ASH1L: variants seen among roughly 807,000 people sequenced by gnomAD.
ASH1L encodes the protein histone-lysine N-methyltransferase ASH1L.
ASH1L carries 23 observed loss-of-function variants against 269.0 expected under a neutral mutation model. The ratio of observed to expected loss-of-function variants is 0.09; its 90% confidence interval spans 0.06 to 0.12. ASH1L has a LOEUF of 0.12. ASH1L is among the 10% of genes least tolerant of loss of function. The pLI, the probability that ASH1L is intolerant of heterozygous loss-of-function variation, is 1.00. For synonymous variants in ASH1L, 1,187 were observed against 1,253.5 expected (o/e 0.95, Z 1.12); for missense variants, 2,912 against 3,567.8 (o/e 0.82, Z 4.68).
In ASH1L at chr1:155,480,561, A is replaced by G. The variant is rs1356112820; in HGVS notation, c.2309T>C (p.Val770Ala). The change falls in exon 3 of 28, where the codon GTA becomes GCA. Residue 770 changes from valine (V) to alanine (A), a missense_variant. Val to Ala is a moderately conservative substitution (Grantham distance 64). This residue lies in a region of ASH1L where 715 missense variants were observed against 721.0 expected (regional missense o/e 0.99). Coordinates refer to ENST00000392403, the MANE Select transcript of ASH1L (RefSeq NM_018489.3). ...FMKNIGPPSF[V>A]DHDFLKRRLP... is the part of the protein sequence containing the mutation. ...TCGGCGTTTAAGGAAGTCATGATCT[A>G]CAAATGAAGGGGGTCCAATGTTTTT... is the stretch of plus-strand genomic sequence containing the variant. 1.2e-6 allele frequency: 2 copies of G among 1,614,042 alleles called. No individual in the cohort carries two copies.
chr1:155,415,125 T>A (rs768396732), intron 6 of ASH1L, among the ~76,000 whole-genome samples: 1 of 152,052 alleles, frequency 6.6e-6, no homozygotes, highest in Non-Finnish European at 1.5e-5. Context: ...GGTTCACGCC[T>A]GTAATCCCAG....
In ASH1L at chr1:155,480,678, G is replaced by A; in HGVS notation, c.2192C>T (p.Pro731Leu). ...TGATCTTTCTAATTCTAGCCCTTTT[G>A]GAGACCGGCATGTGCTTCTTGCCAC... is the stretch of plus-strand genomic sequence containing the variant. Reference protein sequence around the residue: ...KVVARSTCRSPKGLELERSEL... With the variant: ...KVVARSTCRSLKGLELERSEL... The change falls in exon 3 of 28, where the codon CCA (proline) becomes CTA (leucine). Residue 731 changes from proline (P) to leucine (L), a missense_variant. By Grantham distance (98) the Pro-to-Leu change is moderately conservative. Coordinates refer to ENST00000392403, the MANE Select transcript of ASH1L (RefSeq NM_018489.3). 6.2e-7 allele frequency: 1 copy of A among 1,613,696 alleles called. No homozygotes were observed. Among genetic ancestry groups the A allele is most frequent in the Non-Finnish European group, 8.5e-7 (1 of 1,179,900 alleles).
intron 1 of ASH1L, among the ~76,000 whole-genome samples, chr1:155,532,395 T>C (rs1174307121): frequency 6.6e-6 from 1 of 152,174 alleles, no homozygotes; most frequent in Non-Finnish European, 1.5e-5. Context: ...TGTTAAAAAC[T>C]ACCTACAAAT....
At position 155,481,294 on chromosome 1, in the gene ASH1L, A is replaced by G. The variant is rs766624641; in HGVS notation, c.1576T>C (p.Tyr526His). 1 of 1,614,158 alleles carries G rather than the reference A, an allele frequency of 6.2e-7. No individual in the cohort carries two copies. Residue 526 changes from tyrosine to histidine, a missense_variant, in exon 3 of 28, where the codon TAT (tyrosine) becomes CAT (histidine). This residue lies in a region of ASH1L where 715 missense variants were observed against 721.0 expected (regional missense o/e 0.99). Transcript: ENST00000392403. ...TSKHEKQPPV[Y>H]CTSPDFKMGG... ...ATTTTAAAGTCCGGAGAAGTGCAAT[A>G]TACAGGAGGCTGCTTTTCATGCTTT...
At chr1:155,436,774 C>T (rs182054520) in intron 5 of ASH1L, among the ~76,000 whole-genome samples, 10 of 152,248 alleles carry the variant, frequency 6.6e-5, no homozygotes, top group African/African-American at 9.6e-5. Context: ...GAATTACAGG[C>T]GTGAGCCACC....
At chr1:155,435,572 T>A (rs537176765) in intron 5 of ASH1L, among the ~76,000 whole-genome samples, 14 of 151,474 alleles carry the variant, frequency 9.2e-5, no homozygotes, top group Non-Finnish European at 1.5e-4. Flanking sequence ...GTATTGCTCC[T>A]GAAATTAAAA....
chr1:155,356,231 C>T (rs1264527689), intron 15 of ASH1L, among the ~76,000 whole-genome samples: 1 of 152,084 alleles, frequency 6.6e-6, no homozygotes, highest in African/African-American at 2.4e-5. Flanking sequence ...GCCACTGCGC[C>T]CTGCCAAAGC....
chr1:155,490,090 T>C (rs1666656906), intron 2 of ASH1L, among the ~76,000 whole-genome samples: 1 of 151,480 alleles, frequency 6.6e-6, no homozygotes, highest in South Asian at 2.1e-4. Context: ...TGCCTCAGCC[T>C]CCCAAGTAGC....
At chr1:155,396,077 A>AT (rs1658317099) in intron 6 of ASH1L, 1 of 152,068 alleles carries the variant, frequency 6.6e-6, no homozygotes, top group East Asian at 1.9e-4. Flanking sequence ...TCTACTCACT[A>AT]TATTATTCTA....
At chr1:155,341,246 G>T (rs1262880426) in intron 25 of ASH1L, among the ~76,000 whole-genome samples, 5 of 150,580 alleles carry the variant, frequency 3.3e-5, no homozygotes, top group Non-Finnish European at 7.4e-5. Flanking sequence ...GCGTGATCTT[G>T]GCTCACTGCA....
At chr1:155,561,180 C>T (rs1387815118) in intron 1 of ASH1L, among the ~76,000 whole-genome samples, 5 of 151,986 alleles carry the variant, frequency 3.3e-5, no homozygotes, top group African/African-American at 9.7e-5. Flanking sequence ...TTCAGTATCA[C>T]AAAAAAACTG....
At chr1:155,515,233 C>G (rs1394401946) in intron 2 of ASH1L, among the ~76,000 whole-genome samples, 1 of 152,186 alleles carries the variant, frequency 6.6e-6, no homozygotes, top group Admixed American at 6.6e-5. Context: ...GTCACACAAT[C>G]AATGCTTCAA....
chr1:155,428,240 A>T (rs1317437436), intron 5 of ASH1L, among the ~76,000 whole-genome samples: 1 of 152,094 alleles, frequency 6.6e-6, no homozygotes, highest in Non-Finnish European at 1.5e-5. Context: ...GGAGTTCAAG[A>T]CCAGCCTGAC....
intron 2 of ASH1L, among the ~76,000 whole-genome samples, chr1:155,497,274 T>C (rs897968880): frequency 1.3e-5 from 2 of 152,240 alleles, no homozygotes; most frequent in African/African-American, 2.4e-5. Context: ...AGCAGGCTGC[T>C]TCACAGTTCA....
At position 155,480,008 on chromosome 1, in the gene ASH1L, T is replaced by C. The variant is rs189505111; in HGVS notation, c.2862A>G (p.Pro954=). Residue 954 remains proline, a synonymous_variant, in exon 3 of 28, where the codon CCA becomes CCG. Transcript: ENST00000392403. ...CAAGGTCACTCATACTACAGACACTTGGCCTATGACTGTCATCTAGGTCAT... is the reference window on the plus strand; with the variant it reads ...CAAGGTCACTCATACTACAGACACTCGGCCTATGACTGTCATCTAGGTCAT... ...DPDDLDDSHR[P]SVCSMSDLEM... is the part of the protein sequence containing the mutation. 6.2e-7 allele frequency: 1 copy of C among 1,614,060 alleles called. No homozygotes were observed. The highest frequency in any genetic ancestry group is 1.3e-5 in the African/African-American group (1 of 75,060).
intron 1 of ASH1L, among the ~76,000 whole-genome samples, chr1:155,557,076 T>A (rs757384279): frequency 4.0e-4 from 61 of 152,164 alleles, no homozygotes; most frequent in Non-Finnish European, 7.5e-4. Flanking sequence ...GTATACAACC[T>A]TGTCATCAAC....
intron 3 of ASH1L, among the ~76,000 whole-genome samples, chr1:155,466,820 T>C (rs1185674728): frequency 6.6e-6 from 1 of 152,224 alleles, no homozygotes; most frequent in Non-Finnish European, 1.5e-5. Context: ...AACTGTTGCA[T>C]AGGTGTGTCT....
intron 7 of ASH1L, among the ~76,000 whole-genome samples, chr1:155,388,048 C>T (rs1657586103): frequency 1.3e-5 from 2 of 152,014 alleles, no homozygotes; most frequent in Admixed American, 1.3e-4. Context: ...GCAAACACTC[C>T]CCAGTGGGTG....
At chr1:155,490,667 CTT>C (rs1385467575) in intron 2 of ASH1L, among the ~76,000 whole-genome samples, 1 of 151,392 alleles carries the variant, frequency 6.6e-6, no homozygotes, top group African/African-American at 2.4e-5. Context: ...CTCTCTCTCT[CTT>C]TTTCTGGCCA....
Sources: allele counts gnomAD v4.1 joint callset (sites outside exome capture counted in the v4.1 genomes callset), GRCh38; gene constraint gnomAD v4.1.1; regional missense constraint gnomAD v4.1.1; transcripts MANE v1.5; gene names NCBI Gene and HGNC (gene_info 2026-07-23, HGNC 2026-07-21).